Variants in TEX2 observed in about 807,000 individuals in gnomAD.
TEX2 encodes the protein testis-expressed protein 2.
Under a neutral mutation model 106.9 loss-of-function variants are expected in TEX2, and 53 were observed. The observed-to-expected ratio is 0.50, with a 90% confidence interval of 0.40 to 0.62. The LOEUF (loss-of-function observed/expected upper bound fraction) is 0.62, where lower values mean the gene tolerates loss of function less well. Among genes scored for constraint, TEX2 ranks in the 20% least tolerant of loss-of-function variants. The pLI, the probability that TEX2 is intolerant of heterozygous loss-of-function variation, is 0.00. For synonymous variants in TEX2, 523 were observed against 534.8 expected, an observed-to-expected ratio of 0.98 and a Z score of 0.30; for missense variants, 1,207 against 1,379.0, an observed-to-expected ratio of 0.88 and a Z score of 1.98.
At chr17:64,258,338 T>C (rs1555638047) in intron 1 of TEX2, among the ~76,000 whole-genome samples, 1 of 152,206 alleles carries the variant, frequency 6.6e-6, no homozygotes, top group African/African-American at 2.4e-5. Context: ...GCACTATCCA[T>C]GGTTTCAGGC....
intron 1 of TEX2, among the ~76,000 whole-genome samples, chr17:64,259,043 CT>C (rs2034241224): frequency 1.3e-5 from 2 of 152,206 alleles, no homozygotes; most frequent in Non-Finnish European, 2.9e-5. Context: ...CCACCGCGCC[CT>C]GTCCTGGAAG....
chr17:64,260,770 G>A (rs782028737), intron 1 of TEX2, among the ~76,000 whole-genome samples: 9 of 152,178 alleles, frequency 5.9e-5, no homozygotes, highest in Non-Finnish European at 1.2e-4. Flanking sequence ...CAATTCCCAA[G>A]GAGACCTTCA....
chr17:64,215,960 A>G (rs781938070), intron 1 of TEX2, among the ~76,000 whole-genome samples: 2 of 152,254 alleles, frequency 1.3e-5, no homozygotes, highest in Non-Finnish European at 2.9e-5. Context: ...AAGGATGACA[A>G]GAATTACATT....
chr17:64,228,980 C>T (rs1236549237), intron 1 of TEX2, among the ~76,000 whole-genome samples: 1 of 149,892 alleles, frequency 6.7e-6, no homozygotes, highest in Non-Finnish European at 1.5e-5. Context: ...ACCTTTTCTA[C>T]ACAGTAAGGT....
chr17:64,182,616 T>C (rs1379897046), intron 5 of TEX2, among the ~76,000 whole-genome samples: 3 of 152,102 alleles, frequency 2.0e-5, no homozygotes, highest in Non-Finnish European at 2.9e-5. Flanking sequence ...AGTCACTCCC[T>C]ATTCCTCCCC....
chr17:64,151,112 A>T (rs2030330929), intron 10 of TEX2, 151 bp from the exon 11 acceptor site: 8 of 940,682 alleles, frequency 8.5e-6, no homozygotes, highest in Non-Finnish European at 1.2e-5. Flanking sequence ...TTCCACACAC[A>T]AAGTATGAAT....
intron 5 of TEX2, among the ~76,000 whole-genome samples, chr17:64,186,707 C>A (rs1367703929): frequency 1.3e-5 from 2 of 152,102 alleles, no homozygotes; most frequent in African/African-American, 4.8e-5. Flanking sequence ...GCTCCAGCTA[C>A]TTGGGAGGCT....
intron 1 of TEX2, among the ~76,000 whole-genome samples, chr17:64,243,668 T>G (rs372707214): frequency 5.3e-5 from 8 of 152,330 alleles, no homozygotes; most frequent in African/African-American, 1.9e-4. Flanking sequence ...ACTTTGCATC[T>G]TATTTTAAAT....
chr17:64,251,051 G>C (rs1555636942), intron 1 of TEX2, among the ~76,000 whole-genome samples: 1 of 152,156 alleles, frequency 6.6e-6, no homozygotes, highest in African/African-American at 2.4e-5. Context: ...AGGGCACACA[G>C]AGTAAATTAC....
chr17:64,189,354 G>A (rs1357905241), intron 4 of TEX2, among the ~76,000 whole-genome samples: 1 of 152,198 alleles, frequency 6.6e-6, no homozygotes, highest in Non-Finnish European at 1.5e-5. Context: ...TGACATCTAC[G>A]CTGTATCTTG....
chr17:64,248,533 C>G (rs955152779), intron 1 of TEX2, among the ~76,000 whole-genome samples: 3 of 152,186 alleles, frequency 2.0e-5, no homozygotes, highest in Non-Finnish European at 4.4e-5. Flanking sequence ...ACTGGATAAC[C>G]AGTCCATATT....
chr17:64,241,641 A>AT (rs1357274881), intron 1 of TEX2, among the ~76,000 whole-genome samples: 1 of 151,260 alleles, frequency 6.6e-6, no homozygotes, highest in East Asian at 1.9e-4. Flanking sequence ...AATTATTATT[A>AT]TTTTTTTTTA....
chr17:64,223,357 C>CTT (rs71158308), intron 1 of TEX2, among the ~76,000 whole-genome samples: 54,981 of 112,534 alleles, frequency 0.49, 14,577 homozygotes, highest in East Asian at 0.77. Flanking sequence ...CTGAATCTGG[C>CTT]TTTTTTTTTT....
At position 64,184,519 on chromosome 17, in the gene TEX2, C is replaced by T. The variant is rs139730238; in HGVS notation, c.2424+3649G>A. ...CCAGAACCTTATCAGATAAATGATT[C>T]GTAAACATTTTCTCCCATCCTGTGG... On this transcript the variant is annotated intron_variant, in intron 5 of 11. Transcript: ENST00000584379. Among the ~76,000 whole-genome samples, 462 of 152,282 alleles carry T rather than the reference C, an allele frequency of 3.0e-3. 2 individuals carry two copies. Among genetic ancestry groups the T allele is most frequent in the African/African-American group, 0.01 (434 of 41,554 alleles).
chr17:64,202,710 G>A (rs2032709478), intron 2 of TEX2, among the ~76,000 whole-genome samples: 1 of 152,144 alleles, frequency 6.6e-6, no homozygotes, highest in Admixed American at 6.5e-5. Flanking sequence ...TGAGACATGG[G>A]AATGGGTATA....
At chr17:64,177,773 T>C (rs796302947) in intron 5 of TEX2, among the ~76,000 whole-genome samples, 18 of 152,350 alleles carry the variant, frequency 1.2e-4, no homozygotes, top group African/African-American at 3.8e-4. Flanking sequence ...CCAAATTAGC[T>C]TGGTATCAAC....
intron 1 of TEX2, among the ~76,000 whole-genome samples, chr17:64,244,888 A>AT (rs1341609687): frequency 6.6e-6 from 1 of 152,158 alleles, no homozygotes; most frequent in African/African-American, 2.4e-5. Flanking sequence ...TTGTGATCAC[A>AT]TATCTGTTTC....
At chr17:64,149,179 A>G (rs2143570814) in intron 11 of TEX2, 88 bp from the exon 12 acceptor site, 1 of 1,436,734 alleles carries the variant, frequency 7.0e-7, no homozygotes, top group Admixed American at 2.2e-5. Context: ...TAGGGCTTAG[A>G]CTGATTTTTA....
intron 2 of TEX2, among the ~76,000 whole-genome samples, chr17:64,207,617 T>C (rs2032872719): frequency 6.6e-6 from 1 of 152,146 alleles, no homozygotes; most frequent in Non-Finnish European, 1.5e-5. Flanking sequence ...GCCTGTTTTA[T>C]AAAGAAACCA....
Sources: allele counts gnomAD v4.1 joint callset (sites outside exome capture counted in the v4.1 genomes callset), GRCh38; gene constraint gnomAD v4.1.1; transcripts MANE v1.5; gene names NCBI Gene and HGNC (gene_info 2026-07-23, HGNC 2026-07-21).